COL25A1: variants seen among roughly 807,000 people sequenced by gnomAD.
COL25A1 encodes collagen type XXV alpha 1 chain.
In COL25A1, 103 loss-of-function variants were observed where a neutral mutation model predicts 128.4. The observed-to-expected ratio is 0.80, with a 90% CI of 0.68 to 0.94. The LOEUF (loss-of-function observed/expected upper bound fraction) is 0.94. Ranked by LOEUF, COL25A1 falls within the 40% of genes least tolerant of loss-of-function variation. COL25A1 has a pLI of 0.00. For missense variants in COL25A1, 745 were observed against 840.0 expected, an observed-to-expected ratio of 0.89 and a Z score of 1.40; for synonymous variants, 279 against 277.2, an observed-to-expected ratio of 1.01 and a Z score of -0.06.
chr4:109,197,473 TATATATTATATATTATATATAA>T (rs1776198643), intron 3 of COL25A1, among the ~76,000 whole-genome samples: 1 of 117,420 alleles, frequency 8.5e-6, no homozygotes, highest in East Asian at 2.1e-4. Context: ...TTATATATAA[TATATATTATATATTATATATAA>T]ATATATATTA....
chr4:108,852,519 C>T (rs909405185), intron 25 of COL25A1, among the ~76,000 whole-genome samples: 7 of 151,968 alleles, frequency 4.6e-5, no homozygotes, highest in African/African-American at 1.4e-4. Context: ...TGGGTAGATT[C>T]GGTAAGGCAA....
intron 6 of COL25A1, among the ~76,000 whole-genome samples, chr4:108,999,679 C>T (rs143071552): frequency 0.029 from 4,367 of 152,224 alleles, 208 homozygotes; most frequent in African/African-American, 0.099. Context: ...ATGTTTATTA[C>T]GGCACTATTC....
At chr4:109,225,355 G>T (rs772224617) in intron 3 of COL25A1, among the ~76,000 whole-genome samples, 5 of 152,060 alleles carry the variant, frequency 3.3e-5, no homozygotes, top group Admixed American at 6.5e-5. Flanking sequence ...CATAGAAATG[G>T]CTCAACATCA....
intron 3 of COL25A1, among the ~76,000 whole-genome samples, chr4:109,207,229 A>G (rs1361816505): frequency 6.6e-6 from 1 of 152,120 alleles, no homozygotes; most frequent in Non-Finnish European, 1.5e-5. Flanking sequence ...AGAAATAAGG[A>G]GTGTGCCAGC....
At chr4:109,049,129 GA>G (rs199760484) in intron 4 of COL25A1, among the ~76,000 whole-genome samples, 10 of 151,626 alleles carry the variant, frequency 6.6e-5, no homozygotes, top group South Asian at 4.2e-4. Context: ...AATGAGGCAA[GA>G]AAAAAAACCA....
At chr4:109,219,207 G>T (rs921409266) in intron 3 of COL25A1, among the ~76,000 whole-genome samples, 1 of 152,046 alleles carries the variant, frequency 6.6e-6, no homozygotes, top group African/African-American at 2.4e-5. Context: ...AAACTAGAAG[G>T]AACTGTGCAG....
intron 8 of COL25A1, among the ~76,000 whole-genome samples, chr4:108,943,845 C>T (rs1399724129): frequency 2.7e-5 from 4 of 146,588 alleles, no homozygotes; most frequent in Non-Finnish European, 3.0e-5. Context: ...AAACACAGAA[C>T]ATGTTTACCA....
intron 3 of COL25A1, among the ~76,000 whole-genome samples, chr4:109,242,270 C>T (rs1020909364): frequency 2.0e-5 from 3 of 152,090 alleles, no homozygotes; most frequent in African/African-American, 4.8e-5. Context: ...AACAATTTTT[C>T]TAACAGCCTA....
chr4:109,087,389 C>T (rs1764499817), intron 3 of COL25A1, among the ~76,000 whole-genome samples: 1 of 152,182 alleles, frequency 6.6e-6, no homozygotes, highest in South Asian at 2.1e-4. Flanking sequence ...CCACCCACCC[C>T]GCCTGCGCCA....
At chr4:109,239,925 A>G (rs1171375340) in intron 3 of COL25A1, among the ~76,000 whole-genome samples, 2 of 152,038 alleles carry the variant, frequency 1.3e-5, no homozygotes, top group African/African-American at 4.8e-5. Context: ...TAAAACACAA[A>G]CACACACTTT....
At chr4:109,245,109 T>C (rs190759023) in intron 3 of COL25A1, among the ~76,000 whole-genome samples, 2 of 152,306 alleles carry the variant, frequency 1.3e-5, no homozygotes, top group African/African-American at 2.4e-5. Context: ...CCATATTATA[T>C]ACTTTATTAT....
chr4:109,245,650 T>A (rs1780207602), intron 3 of COL25A1, among the ~76,000 whole-genome samples: 1 of 152,080 alleles, frequency 6.6e-6, no homozygotes, highest in African/African-American at 2.4e-5. Context: ...CAGCGGCAGC[T>A]ACCAACACAG....
intron 3 of COL25A1, among the ~76,000 whole-genome samples, chr4:109,173,063 T>C (rs774620936): frequency 7.9e-5 from 12 of 152,182 alleles, no homozygotes; most frequent in Non-Finnish European, 1.3e-4. Flanking sequence ...TTGGACATTA[T>C]AGAAACCATA....
chr4:109,194,154 A>G (rs1775832441), intron 3 of COL25A1, among the ~76,000 whole-genome samples: 1 of 152,210 alleles, frequency 6.6e-6, no homozygotes, highest in South Asian at 2.1e-4. Flanking sequence ...GAAGGAATGG[A>G]TTTGATAACA....
intron 3 of COL25A1, among the ~76,000 whole-genome samples, chr4:109,228,744 A>G (rs1464201704): frequency 6.6e-6 from 1 of 152,196 alleles, no homozygotes; most frequent in Non-Finnish European, 1.5e-5. Context: ...AGGACTCTCC[A>G]GATCCCTTTC....
intron 6 of COL25A1, among the ~76,000 whole-genome samples, chr4:108,986,681 A>G (rs1753696905): frequency 6.6e-6 from 1 of 152,212 alleles, no homozygotes; most frequent in African/African-American, 2.4e-5. Context: ...TAATAATTAA[A>G]TGCCAAGTGC....
chr4:109,289,217 T>C (rs1275320040), intron 3 of COL25A1, among the ~76,000 whole-genome samples: 1 of 152,138 alleles, frequency 6.6e-6, no homozygotes, highest in East Asian at 1.9e-4. Flanking sequence ...TCTATAGACA[T>C]GCAAACTCTG....
chr4:109,215,691 G>A (rs150468840), intron 3 of COL25A1, among the ~76,000 whole-genome samples: 1 of 152,172 alleles, frequency 6.6e-6, no homozygotes, highest in East Asian at 1.9e-4. Flanking sequence ...CTTCCACATT[G>A]TATCAGGATT....
chr4:109,170,447 T>A (rs1487171016), intron 3 of COL25A1, among the ~76,000 whole-genome samples: 1 of 152,130 alleles, frequency 6.6e-6, no homozygotes, highest in Non-Finnish European at 1.5e-5. Context: ...ATATTCAGTG[T>A]GAACTCTTAC....
Sources: allele counts gnomAD v4.1 joint callset (sites outside exome capture counted in the v4.1 genomes callset), GRCh38; gene constraint gnomAD v4.1.1; transcripts MANE v1.5; gene names NCBI Gene and HGNC (gene_info 2026-07-23, HGNC 2026-07-21).